ATP9B: variants seen among roughly 807,000 people sequenced by gnomAD.
The protein encoded by ATP9B is probable phospholipid-transporting ATPase IIB.
ATP9B carries 110 observed loss-of-function variants against 146.1 expected under a neutral mutation model. That is an observed-to-expected ratio of 0.75 (90% CI 0.65 to 0.88). The LOEUF is 0.88. Ranked by LOEUF, ATP9B falls within the 40% of genes least tolerant of loss-of-function variation. The probability of loss-of-function intolerance (pLI) is 0.00; values close to 1 mark genes in which losing one functional copy is unlikely to be tolerated. For synonymous variants in ATP9B, 604 were observed against 569.7 expected, an observed-to-expected ratio of 1.06 and a Z score of -0.86; for missense variants, 1,499 against 1,496.4, an observed-to-expected ratio of 1.00 and a Z score of -0.03.
intron 25 of ATP9B, among the ~76,000 whole-genome samples, chr18:79,355,271 G>T (rs768006605): frequency 4.6e-5 from 7 of 152,220 alleles, no homozygotes; most frequent in Non-Finnish European, 1.0e-4. Context: ...AGATTTCAAG[G>T]TGAATGGAAA....
intron 7 of ATP9B, among the ~76,000 whole-genome samples, chr18:79,169,279 C>G (rs1197367446): frequency 6.6e-6 from 1 of 152,184 alleles, no homozygotes; most frequent in African/African-American, 2.4e-5. Context: ...CTTCTAGAAC[C>G]TCTTATTTTC....
rs544969697 is a variant in ATP9B, at chr18:79,334,760, C to T, written c.2029-1868C>T. The stretch of plus-strand genomic sequence containing the variant: ...CCCAGGAGACCCACCGGCGCCCTCC[C>T]TCCCACATCTGCCCAGACGCCCACC... On this transcript the variant is annotated intron_variant, in intron 17 of 29. Coordinates refer to ENST00000426216, the MANE Select transcript of ATP9B (RefSeq NM_198531.5). Among the ~76,000 whole-genome samples, 35 of 152,164 alleles carry T rather than the reference C, an allele frequency of 2.3e-4. 1 individual carries two copies. In the South Asian group the frequency reaches 6.7e-3, roughly 29 times the overall value.
At chr18:79,267,522 G>T (rs2096215346) in intron 12 of ATP9B, among the ~76,000 whole-genome samples, 2 of 152,018 alleles carry the variant, frequency 1.3e-5, no homozygotes, top group East Asian at 3.9e-4. Context: ...TACTACTTTG[G>T]TTGCATTTCA....
At chr18:79,197,532 G>GT (rs1396866193) in intron 9 of ATP9B, among the ~76,000 whole-genome samples, 2 of 152,050 alleles carry the variant, frequency 1.3e-5, no homozygotes, top group Non-Finnish European at 2.9e-5. Flanking sequence ...ATAAAAGGAG[G>GT]TAAGTTTTTT....
chr18:79,128,672 G>C (rs931428683), intron 5 of ATP9B, among the ~76,000 whole-genome samples: 9 of 152,080 alleles, frequency 5.9e-5, no homozygotes, highest in African/African-American at 1.9e-4. Flanking sequence ...TGTAATGGAG[G>C]GGCTAGGCAG....
At chr18:79,323,116 C>T (rs1044897830) in intron 15 of ATP9B, among the ~76,000 whole-genome samples, 11 of 151,934 alleles carry the variant, frequency 7.2e-5, no homozygotes, top group Admixed American at 3.3e-4. Context: ...CTCCGTTTAT[C>T]GTTGCTTCGC....
At chr18:79,116,922 TA>T (rs781553384) in intron 4 of ATP9B, among the ~76,000 whole-genome samples, 8,532 of 59,794 alleles carry the variant, frequency 0.14, 311 homozygotes, top group East Asian at 0.19. Context: ...TAGAGTATAA[TA>T]AAAAAAAAAA....
At chr18:79,128,195 G>A (rs2094320248) in intron 5 of ATP9B, among the ~76,000 whole-genome samples, 1 of 151,660 alleles carries the variant, frequency 6.6e-6, no homozygotes, top group South Asian at 2.1e-4. Flanking sequence ...GAGAAACTGG[G>A]ATTACAGGTG....
chr18:79,125,318 T>C (rs1041093811), intron 4 of ATP9B, among the ~76,000 whole-genome samples: 5 of 152,102 alleles, frequency 3.3e-5, no homozygotes, highest in African/African-American at 1.2e-4. Flanking sequence ...GTCAGGTTGA[T>C]TTTGAATGGG....
intron 4 of ATP9B, among the ~76,000 whole-genome samples, chr18:79,124,900 T>C (rs1400994167): frequency 6.6e-6 from 1 of 152,044 alleles, no homozygotes; most frequent in African/African-American, 2.4e-5. Flanking sequence ...AATTAGGCCA[T>C]CAGTGGGCTG....
At chr18:79,355,395 C>T (rs2096945258) in intron 25 of ATP9B, among the ~76,000 whole-genome samples, 1 of 152,074 alleles carries the variant, frequency 6.6e-6, no homozygotes, top group South Asian at 2.1e-4. Flanking sequence ...AATAGAACAG[C>T]CCAGCAGACA....
At chr18:79,073,301 G>T (rs556197932) in intron 1 of ATP9B, among the ~76,000 whole-genome samples, 11 of 152,242 alleles carry the variant, frequency 7.2e-5, no homozygotes, top group Admixed American at 4.6e-4. Flanking sequence ...AGGTTGTAGC[G>T]AGCCGAGATC....
chr18:79,255,839 T>C (rs2096072116), intron 12 of ATP9B, among the ~76,000 whole-genome samples: 1 of 152,210 alleles, frequency 6.6e-6, no homozygotes, highest in Non-Finnish European at 1.5e-5. Flanking sequence ...GGAGCAAATG[T>C]ATTCCAACTC....
At chr18:79,107,245 A>G (rs2075713080) in intron 2 of ATP9B, among the ~76,000 whole-genome samples, 1 of 152,216 alleles carries the variant, frequency 6.6e-6, no homozygotes, top group Non-Finnish European at 1.5e-5. Context: ...TAGTAATGGA[A>G]TATTCTCCAT....
intron 26 of ATP9B, among the ~76,000 whole-genome samples, chr18:79,364,628 A>G (rs2097015516): frequency 6.6e-6 from 1 of 152,216 alleles, no homozygotes; most frequent in Non-Finnish European, 1.5e-5. Flanking sequence ...AAATACACAC[A>G]AAATATGCAT....
chr18:79,157,888 C>G (rs540775519), intron 7 of ATP9B, among the ~76,000 whole-genome samples: 1 of 152,172 alleles, frequency 6.6e-6, no homozygotes, highest in South Asian at 2.1e-4. Flanking sequence ...TAATTGAACT[C>G]TTCTCTCTTT....
chr18:79,222,256 G>T (rs2095687192), intron 11 of ATP9B, among the ~76,000 whole-genome samples: 2 of 152,070 alleles, frequency 1.3e-5, no homozygotes, highest in African/African-American at 4.8e-5. Flanking sequence ...TTACTCAGGA[G>T]GCTGAGGCAA....
intron 13 of ATP9B, among the ~76,000 whole-genome samples, chr18:79,289,557 C>A (rs575553635): frequency 6.6e-6 from 1 of 152,128 alleles, no homozygotes; most frequent in East Asian, 1.9e-4. Context: ...GCCTTTGGTT[C>A]GAATTTCCTC....
chr18:79,200,727 G>C (rs28687390), intron 9 of ATP9B, among the ~76,000 whole-genome samples: 11 of 45,538 alleles, frequency 2.4e-4, no homozygotes, highest in African/African-American at 8.1e-4. Flanking sequence ...TGGAGGTGGG[G>C]ACTGTCGGGG....
Sources: gnomAD v4.1 joint callset for allele counts (sites outside exome capture counted in the v4.1 genomes callset) on GRCh38, gnomAD v4.1.1 for gene constraint, MANE v1.5 for transcripts, NCBI Gene and HGNC (gene_info 2026-07-23, HGNC 2026-07-21) for gene names.